The following TRIM49 variants were observed in gnomAD, a reference collection of about 807,000 sequenced individuals.
TRIM49 encodes the protein tripartite motif-containing protein 49.
In TRIM49, 5 loss-of-function variants were observed where a neutral mutation model predicts 27.4. The ratio of observed to expected loss-of-function variants is 0.18; its 90% CI spans 0.10 to 0.38. The LOEUF (loss-of-function observed/expected upper bound fraction) is 0.38. Ranked by LOEUF, TRIM49 falls within the 10% of genes least tolerant of loss-of-function variation. The pLI is 1.00. For missense variants in TRIM49, 188 were observed against 487.5 expected (o/e 0.39, Z 5.79); for synonymous variants, 69 against 166.0 (o/e 0.42, Z 4.49).
the TRIM49 span, chr11:89,766,645 C>T: frequency 7.4e-7 from 1 of 1,348,252 alleles, no homozygotes. Context: ...AAGGAGCCAG[C>T]TGGGTAATTC....
At chr11:89,793,728 G>C (rs530479370), downstream of TRIM49, among the ~76,000 whole-genome samples, 5 of 152,054 alleles carry the variant, frequency 3.3e-5, no homozygotes, top group African/African-American at 1.2e-4. Flanking sequence ...TTGATGGGAC[G>C]TATCTCAAAA....
the TRIM49 span, among the ~76,000 whole-genome samples, chr11:89,767,437 A>T: frequency 8.1e-6 from 1 of 123,920 alleles, no homozygotes; most frequent in Admixed American, 7.5e-5. Context: ...ACAGGAGATG[A>T]GGTGGGGAGC....
downstream of TRIM49, among the ~76,000 whole-genome samples, chr11:89,796,720 G>A (rs1204040901): frequency 8.6e-5 from 13 of 150,674 alleles, no homozygotes; most frequent in Non-Finnish European, 1.8e-4. Context: ...TTATTAACTT[G>A]TTTCTGAGAT....
At chr11:89,778,259 C>G in the TRIM49 span, among the ~76,000 whole-genome samples, 1 of 151,976 alleles carries the variant, frequency 6.6e-6, no homozygotes, top group African/African-American at 2.4e-5. Context: ...TGGCATAAAC[C>G]TTTTCAGACA....
chr11:89,803,955 G>A, intron 3 of TRIM49, 104 bp downstream of exon 3: 4 of 1,609,098 alleles, frequency 2.5e-6, no homozygotes, highest in Non-Finnish European at 3.4e-6. Context: ...AAACAGAGCT[G>A]CTTAAAGGGA....
chr11:89,790,476 T>C, the TRIM49 span, among the ~76,000 whole-genome samples: 1 of 151,812 alleles, frequency 6.6e-6, no homozygotes, highest in South Asian at 2.1e-4. Context: ...GGTCCCTGAG[T>C]AGCCTAACCA....
At chr11:89,805,385 GAC>G (rs2134647228) in intron 2 of TRIM49, among the ~76,000 whole-genome samples, 2 of 150,118 alleles carry the variant, frequency 1.3e-5, no homozygotes, top group African/African-American at 4.9e-5. Context: ...AGAGGAGAGA[GAC>G]ATGTGAGCTG....
At chr11:89,794,239 G>T (rs1468740794), downstream of TRIM49, among the ~76,000 whole-genome samples, 2 of 123,352 alleles carry the variant, frequency 1.6e-5, no homozygotes, top group Non-Finnish European at 3.4e-5. Context: ...AATAAAAGAG[G>T]ATACAAACAA....
downstream of TRIM49, among the ~76,000 whole-genome samples, chr11:89,793,400 T>C (rs1367315368): frequency 1.1e-4 from 16 of 152,174 alleles, no homozygotes; most frequent in Admixed American, 2.6e-4. Context: ...AGCATCATCC[T>C]GATACCAAAG....
downstream of TRIM49, among the ~76,000 whole-genome samples, chr11:89,796,355 C>CCT (rs1949688944): frequency 6.8e-6 from 1 of 148,038 alleles, no homozygotes; most frequent in Non-Finnish European, 1.5e-5. Context: ...GCATCAGCCC[C>CCT]CTGAGTAGCT....
chr11:89,768,407 G>T, the TRIM49 span: 26 of 689,802 alleles, frequency 3.8e-5, 1 homozygote, highest in African/African-American at 1.1e-4. Context: ...ACAATCCTAG[G>T]ATGGGTTTGT....
the TRIM49 span, among the ~76,000 whole-genome samples, chr11:89,783,780 A>T: frequency 6.8e-6 from 1 of 146,278 alleles, no homozygotes; most frequent in Admixed American, 6.7e-5. Flanking sequence ...GCACCGGCTT[A>T]CCTGCTCTAA....
chr11:89,777,141 G>A, the TRIM49 span: 46 of 1,550,454 alleles, frequency 3.0e-5, no homozygotes, highest in Middle Eastern at 5.4e-4. Flanking sequence ...GCTGCCCTTC[G>A]TGCAGAAAAA....
At chr11:89,804,948 G>C (rs1334359981) in intron 2 of TRIM49, among the ~76,000 whole-genome samples, 2 of 150,918 alleles carry the variant, frequency 1.3e-5, no homozygotes, top group Non-Finnish European at 2.9e-5. Context: ...CACAAAAGCC[G>C]GGCAGCAAAC....
At chr11:89,782,084 A>G in the TRIM49 span, 9 of 1,549,562 alleles carry the variant, frequency 5.8e-6, no homozygotes, top group South Asian at 9.5e-5. Flanking sequence ...CTCCAACTGG[A>G]TTCTGGGAGT....
chr11:89,786,385 C>T, the TRIM49 span: 1 of 142,234 alleles, frequency 7.0e-6, no homozygotes, highest in Non-Finnish European at 1.5e-5. Flanking sequence ...CAGCCCTAAT[C>T]ATAGCTGCAC....
downstream of TRIM49, among the ~76,000 whole-genome samples, chr11:89,796,072 T>TA (rs1174989987): frequency 2.6e-5 from 4 of 151,792 alleles, no homozygotes; most frequent in Admixed American, 2.0e-4. Flanking sequence ...CATCCTCACT[T>TA]ACTCTAATAA....
At chr11:89,800,607 G>A (rs1330808722) in intron 6 of TRIM49, among the ~76,000 whole-genome samples, 70 of 149,770 alleles carry the variant, frequency 4.7e-4, no homozygotes, top group African/African-American at 1.6e-3. Context: ...GCCGGGTGTG[G>A]TGGCGGGCGC....
At chr11:89,806,363 A>C (rs1157737874) in intron 2 of TRIM49, among the ~76,000 whole-genome samples, 1 of 149,588 alleles carries the variant, frequency 6.7e-6, no homozygotes, top group Non-Finnish European at 1.5e-5. Flanking sequence ...ACTAATATAA[A>C]AACTATAATC....
Sources: gnomAD v4.1 joint callset for allele counts (sites outside exome capture counted in the v4.1 genomes callset) on GRCh38, gnomAD v4.1.1 for gene constraint, MANE v1.5 for transcripts, NCBI Gene and HGNC (gene_info 2026-07-23, HGNC 2026-07-21) for gene names.